SOCS7: variants seen among roughly 807,000 people sequenced by gnomAD.
SOCS7 encodes NAP-4.
A neutral mutation model predicts 58.9 loss-of-function variants in SOCS7; 18 were observed. The ratio of observed to expected loss-of-function variants is 0.31; its 90% CI spans 0.21 to 0.45. SOCS7 has a LOEUF of 0.45. Ranked by LOEUF, SOCS7 falls within the 20% of genes least tolerant of loss-of-function variation. SOCS7 has a pLI of 1.00. For missense variants in SOCS7, 667 were observed against 837.3 expected (o/e 0.80, Z 2.51); for synonymous variants, 388 against 364.3 (o/e 1.06, Z -0.74).
intron 7 of SOCS7, among the ~76,000 whole-genome samples, chr17:38,388,329 G>T (rs1434388140): frequency 6.6e-6 from 1 of 151,722 alleles, no homozygotes; most frequent in Non-Finnish European, 1.5e-5. Flanking sequence ...TGGACAACAT[G>T]GCATGAAACC....
chr17:38,365,662 G>T (rs912944752), intron 4 of SOCS7: 1 of 375,726 alleles, frequency 2.7e-6, no homozygotes, highest in African/African-American at 2.1e-5. Flanking sequence ...AGTCTTTGCT[G>T]CTGAGACTGT....
At chr17:38,368,284 C>T (rs1555568688) in intron 6 of SOCS7, among the ~76,000 whole-genome samples, 1 of 152,060 alleles carries the variant, frequency 6.6e-6, no homozygotes, top group African/African-American at 2.4e-5. Context: ...CATCTTGTTT[C>T]CTAAATAGGA....
chr17:38,362,161 C>A (rs1249521973), intron 2 of SOCS7, among the ~76,000 whole-genome samples: 1 of 152,198 alleles, frequency 6.6e-6, no homozygotes, highest in Non-Finnish European at 1.5e-5. Flanking sequence ...CATGGGTTAT[C>A]TCATAAAAAT....
At chr17:38,395,257 A>G (rs369556358) in intron 7 of SOCS7, 52 bp from the exon 8 acceptor site, 77 of 1,593,200 alleles carry the variant, frequency 4.8e-5, no homozygotes, top group Non-Finnish European at 6.4e-5. Context: ...AAGAAATGGT[A>G]GTTAGCTCCA....
At chr17:38,378,460 G>A (rs1212374139) in intron 7 of SOCS7, among the ~76,000 whole-genome samples, 1 of 152,138 alleles carries the variant, frequency 6.6e-6, no homozygotes, top group Admixed American at 6.5e-5. Context: ...GCTTCAGTGA[G>A]CTGTGATCAT....
At chr17:38,391,756 G>C (rs548286654) in intron 7 of SOCS7, among the ~76,000 whole-genome samples, 1 of 152,198 alleles carries the variant, frequency 6.6e-6, no homozygotes, top group South Asian at 2.1e-4. Context: ...TTACATATAA[G>C]TCAACTAGAC....
chr17:38,374,990 G>C (rs2037913369), intron 6 of SOCS7, among the ~76,000 whole-genome samples: 1 of 152,138 alleles, frequency 6.6e-6, no homozygotes, highest in Non-Finnish European at 1.5e-5. Flanking sequence ...GAGTGTGGAG[G>C]CTCAAGCCTG....
chr17:38,367,821 A>C, intron 5 of SOCS7, 61 bp from the exon 6 acceptor site: 1 of 1,472,724 alleles, frequency 6.8e-7, no homozygotes, highest in Non-Finnish European at 9.4e-7. Context: ...GATAGATTGC[A>C]CTGAAAACTT....
In SOCS7 at chr17:38,353,039, C is replaced by G. The variant is rs780180586; in HGVS notation, c.980+7C>G. ...GGGAGCTGGACGCGGGGAGGTGAGA[C>G]CGGCCGGGGGCTGGCCGACAAACTT... is the stretch of plus-strand genomic sequence containing the variant. On this transcript the variant is annotated splice_region_variant and intron_variant, in intron 1 of 9. Transcript: ENST00000612932. 5.7e-6 allele frequency: 9 copies of G among 1,574,352 alleles called. No homozygotes were observed. The highest frequency in any genetic ancestry group is 6.9e-6 in the Non-Finnish European group (8 of 1,163,226).
At position 38,351,885 on chromosome 17, in the gene SOCS7, G is replaced by A. The variant is rs977022970; in HGVS notation, c.-168G>A. On this transcript the variant is annotated 5_prime_UTR_variant, in exon 1 of 10. Transcript: ENST00000612932. ...TCGGCGGTGGCGGAGCGCGGCCTGG[G>A]CTCGCGCTGGGCTCCGCGCGCCCCC... Among the ~76,000 whole-genome samples the A allele has an allele frequency of 6.6e-6, 1 of 151,266 alleles. No homozygotes were observed. Among genetic ancestry groups the A allele is most frequent in the Non-Finnish European group, 1.5e-5 (1 of 67,494 alleles).
chr17:38,372,998 C>T (rs538596440), intron 6 of SOCS7, among the ~76,000 whole-genome samples: 2 of 151,832 alleles, frequency 1.3e-5, no homozygotes, highest in African/African-American at 4.8e-5. Flanking sequence ...CCCAGCTACT[C>T]AGGAGGCTGA....
chr17:38,368,152 T>C (rs908105242), intron 6 of SOCS7, 102 bp downstream of exon 6: 3 of 1,060,272 alleles, frequency 2.8e-6, no homozygotes, highest in East Asian at 5.0e-5. Context: ...GAACTACAAA[T>C]AGGGGAAAAA....
rs114658036 is a variant in SOCS7, at chr17:38,371,620, A to G, written c.1552+3570A>G. On this transcript the variant is annotated intron_variant, in intron 6 of 9. Coordinates refer to ENST00000612932, the MANE Select transcript of SOCS7 (RefSeq NM_014598.4). ...GTTGGGATTACTGGCATGAACCACC[A>G]TGCCCGGCCGGGACGGGTATTTTTC... 5.5e-3 allele frequency among the ~76,000 whole-genome samples: 815 copies of G among 149,210 alleles called. 4 individuals are homozygous for G. The highest frequency in any genetic ancestry group is 0.019 in the African/African-American group (775 of 40,396).
Position 38,395,458 on chromosome 17 carries a change from G to A in SOCS7, c.1817+14G>A. ...CCCACTGCCTAAGTACAATGGGGTT[G>A]TCAGGTTTGGGACAGGAATGAGTAA... On this transcript the variant is annotated intron_variant, in intron 8 of 9. Coordinates refer to ENST00000612932, the MANE Select transcript of SOCS7 (RefSeq NM_014598.4). The A allele has an allele frequency of 6.2e-7, 1 of 1,611,598 alleles. No homozygotes were observed. Among genetic ancestry groups the A allele is most frequent in the South Asian group, 1.1e-5 (1 of 90,968 alleles).
At chr17:38,366,639 A>T (rs1175654989) in intron 5 of SOCS7, among the ~76,000 whole-genome samples, 1 of 152,220 alleles carries the variant, frequency 6.6e-6, no homozygotes, top group Non-Finnish European at 1.5e-5. Flanking sequence ...GACTGCAGGC[A>T]TGCACGACCA....
intron 1 of SOCS7, among the ~76,000 whole-genome samples, chr17:38,353,980 A>C (rs1044783492): frequency 1.3e-5 from 2 of 152,222 alleles, no homozygotes; most frequent in Non-Finnish European, 1.5e-5. Context: ...AGTACCAGTA[A>C]GATATAGACA....
At chr17:38,364,955 T>A (rs2037769616) in intron 3 of SOCS7, 99 bp downstream of exon 3, 8 of 844,088 alleles carry the variant, frequency 9.5e-6, no homozygotes, top group Non-Finnish European at 1.5e-5. Context: ...GGGTTTCCGA[T>A]GATGACTCAA....
intron 6 of SOCS7, among the ~76,000 whole-genome samples, chr17:38,373,557 TG>T (rs2144351866): frequency 6.6e-6 from 1 of 152,340 alleles, no homozygotes; most frequent in African/African-American, 2.4e-5. Context: ...CCTTTATCTA[TG>T]AAGCTACAGT....
intron 7 of SOCS7, among the ~76,000 whole-genome samples, chr17:38,383,059 A>G (rs2038023752): frequency 6.6e-6 from 1 of 152,052 alleles, no homozygotes; most frequent in Non-Finnish European, 1.5e-5. Flanking sequence ...GGGGGCCAAA[A>G]TCATCCCCAG....
Sources: allele counts gnomAD v4.1 joint callset (sites outside exome capture counted in the v4.1 genomes callset), GRCh38; gene constraint gnomAD v4.1.1; transcripts MANE v1.5; gene names NCBI Gene and HGNC (gene_info 2026-07-23, HGNC 2026-07-21).